OTOF: variants seen among roughly 807,000 people sequenced by gnomAD.
OTOF encodes otoferlin, also known as fer-1-like family member 2.
In OTOF, 218 loss-of-function variants were observed where a neutral mutation model predicts 236.8. That is an observed-to-expected ratio of 0.92 (90% CI 0.82 to 1.03). The LOEUF is 1.03. OTOF is among the 50% of genes least tolerant of loss of function. The pLI, the probability that OTOF is intolerant of heterozygous loss-of-function variation, is 0.00. For synonymous variants in OTOF, 1,041 were observed against 1,072.5 expected (o/e 0.97, Z 0.57); for missense variants, 2,590 against 2,694.4 (o/e 0.96, Z 0.86).
Position 26,480,949 on chromosome 2 carries a change from G to A in OTOF, c.1640C>T (p.Thr547Met), listed in dbSNP as rs200191563. 496 of 1,613,046 alleles carry A rather than the reference G, an allele frequency of 3.1e-4. 1 individual carries two copies. Among genetic ancestry groups the A allele is most frequent in the Admixed American group, 2.7e-3 (164 of 60,020 alleles). ...CAGGTCCTGATGCTCATCCAGCAGC[G>A]TGTAGTTACGTGTGGAGCCGTACAT... ...VNMYGSTRNYTLLDEHQDLNE... is the reference protein window; with the variant it reads ...VNMYGSTRNYMLLDEHQDLNE... Residue 547 changes from threonine (T) to methionine (M), a missense_variant, in exon 15 of 47, where the codon ACG becomes ATG. Transcript: ENST00000272371.
chr2:26,466,427 C>G (rs898611779), intron 36 of OTOF: 1 of 513,852 alleles, frequency 1.9e-6, no homozygotes, highest in South Asian at 2.0e-5. Context: ...AGCTCCACCT[C>G]CCAGGTTCAA....
At chr2:26,474,445 C>T in intron 26 of OTOF, 68 bp downstream of exon 26, 1 of 1,438,284 alleles carries the variant, frequency 7.0e-7, no homozygotes, top group Non-Finnish European at 9.5e-7. Context: ...GGGTCCAGCC[C>T]CCAGCCCTAG....
intron 30 of OTOF, among the ~76,000 whole-genome samples, chr2:26,471,981 AC>A (rs1664999740): frequency 6.6e-6 from 1 of 152,064 alleles, no homozygotes; most frequent in South Asian, 2.1e-4. Context: ...TTTACACACC[AC>A]ATGCACACAC....
At chr2:26,551,983 A>G (rs1667472381) in intron 1 of OTOF, among the ~76,000 whole-genome samples, 1 of 151,730 alleles carries the variant, frequency 6.6e-6, no homozygotes, top group African/African-American at 2.4e-5. Context: ...ATGAAGCAAG[A>G]TTGGCCATGA....
rs190214420 is a variant in OTOF at position 26,497,584 on chromosome 2, G to A, written c.766-2511C>T. On this transcript the variant is annotated intron_variant, in intron 8 of 46. Coordinates refer to ENST00000272371, the MANE Select transcript of OTOF (RefSeq NM_194248.3). ...ATCAAAGTCTGAAAAATAACCTGAG[G>A]GTGATTAAAAATCTACACATCAGAA... 6.7e-4 allele frequency among the ~76,000 whole-genome samples: 102 copies of A among 151,810 alleles called. 3 individuals are homozygous for A. Among genetic ancestry groups the A allele is most frequent in the Admixed American group, 6.2e-3 (94 of 15,254 alleles).
At chr2:26,529,210 C>T (rs982743708) in intron 2 of OTOF, among the ~76,000 whole-genome samples, 8 of 152,170 alleles carry the variant, frequency 5.3e-5, no homozygotes, top group African/African-American at 1.7e-4. Context: ...GACCAGACAA[C>T]GCTGAGGTCT....
At position 26,479,588 on chromosome 2, in the gene OTOF, C is replaced by G; in HGVS notation, c.1978G>C (p.Gly660Arg). ...PQRPRPRKEP[G>R]DEEEVDLIQN... ...ATCAGGTCTACTTCTTCCTCATCCC[C>G]CGGCTCCTTCCGGGGCCGAGGCCGC... The change falls in exon 17 of 47, where the codon GGG becomes CGG. Residue 660 changes from glycine (G) to arginine (R), a missense_variant. Physicochemically the swap from Gly to Arg is moderately radical, Grantham distance 125. Transcript: ENST00000272371. 1 of 1,612,678 alleles carries G rather than the reference C, an allele frequency of 6.2e-7. No homozygotes were observed. Among genetic ancestry groups the G allele is most frequent in the Non-Finnish European group, 8.5e-7 (1 of 1,179,876 alleles).
chr2:26,515,303 G>C (rs561442894), intron 5 of OTOF, among the ~76,000 whole-genome samples: 96 of 152,354 alleles, frequency 6.3e-4, no homozygotes, highest in African/African-American at 2.2e-3. Context: ...CCCCATGCCC[G>C]TGGCTGGCCT....
At chr2:26,522,324 C>G (rs1023948613) in intron 3 of OTOF, among the ~76,000 whole-genome samples, 1 of 146,530 alleles carries the variant, frequency 6.8e-6, no homozygotes, top group African/African-American at 2.7e-5. Flanking sequence ...CTGTAACATA[C>G]CATTTAAGCA....
At chr2:26,495,928 C>G (rs757256734) in intron 8 of OTOF, among the ~76,000 whole-genome samples, 1 of 152,332 alleles carries the variant, frequency 6.6e-6, no homozygotes, top group Admixed American at 6.5e-5. Context: ...GCCTCTGATA[C>G]GTCTTTGCAT....
chr2:26,514,996 G>A (rs538229537), intron 5 of OTOF, among the ~76,000 whole-genome samples: 4 of 152,194 alleles, frequency 2.6e-5, no homozygotes, highest in Non-Finnish European at 5.9e-5. Flanking sequence ...TTTCCAACCC[G>A]ATTCCTGACT....
At chr2:26,553,739 C>T (rs970244929) in intron 1 of OTOF, among the ~76,000 whole-genome samples, 7 of 152,266 alleles carry the variant, frequency 4.6e-5, no homozygotes, top group Middle Eastern at 3.4e-3. Context: ...TTCTGAGCTC[C>T]GGGGGCCAAC....
chr2:26,527,680 A>G, intron 3 of OTOF, 152 bp downstream of exon 3: 1 of 695,818 alleles, frequency 1.4e-6, no homozygotes, highest in Non-Finnish European at 2.6e-6. Flanking sequence ...ATCAAAGACC[A>G]GCCCAAGATT....
intron 1 of OTOF, among the ~76,000 whole-genome samples, chr2:26,558,003 G>A (rs1481383995): frequency 6.6e-6 from 1 of 151,970 alleles, no homozygotes; most frequent in Non-Finnish European, 1.5e-5. Context: ...CCCATGAATA[G>A]ATCTAAAAGA....
In OTOF at chr2:26,460,817, C is replaced by A. The variant is rs1274871477; in HGVS notation, c.5712+35G>T. ...CCCTTGGCACCCCAGCCAGTCCCAGCCCTGCCTACTGCCCGAGCAGGAAGG... is the reference window on the plus strand; with the variant it reads ...CCCTTGGCACCCCAGCCAGTCCCAGACCTGCCTACTGCCCGAGCAGGAAGG... On this transcript the variant is annotated intron_variant, in intron 44 of 46. Coordinates refer to ENST00000272371, the MANE Select transcript of OTOF (RefSeq NM_194248.3). The surrounding 1 kb of genome is among the most constrained non-coding windows in gnomAD (Gnocchi z 5.3). The A allele has an allele frequency of 1.2e-6, 2 of 1,613,932 alleles. No homozygotes were observed. The highest frequency in any genetic ancestry group is 1.7e-5 in the Admixed American group (1 of 60,018).
chr2:26,550,997 T>C (rs889872940), intron 1 of OTOF, among the ~76,000 whole-genome samples: 1 of 151,808 alleles, frequency 6.6e-6, no homozygotes, highest in African/African-American at 2.4e-5. Context: ...CATGGCTTTT[T>C]TCCCCCCCTT....
intron 4 of OTOF, 112 bp downstream of exon 4, chr2:26,518,898 C>G: frequency 1.3e-6 from 1 of 786,712 alleles, no homozygotes; most frequent in Admixed American, 2.0e-5. Flanking sequence ...CCTGCGACAC[C>G]TCGCCATGCA....
In OTOF at chr2:26,550,934, C is replaced by T. The variant is rs555053399; in HGVS notation, c.79+7559G>A. 1.1e-3 allele frequency among the ~76,000 whole-genome samples: 168 copies of T among 152,274 alleles called. No individual in the cohort carries two copies. In the South Asian group the frequency reaches 0.012, roughly 11 times the overall value. On this transcript the variant is annotated intron_variant, in intron 1 of 46. Coordinates refer to ENST00000272371, the MANE Select transcript of OTOF (RefSeq NM_194248.3). ...CCTCCACACTCCCCTGATGCATCTC[C>T]ACACCACCACGTCTGCACTAGTGTT...
At chr2:26,528,788 T>C (rs1187152872) in intron 2 of OTOF, among the ~76,000 whole-genome samples, 1 of 152,184 alleles carries the variant, frequency 6.6e-6, no homozygotes, top group Non-Finnish European at 1.5e-5. Context: ...GAAAGAAGAC[T>C]GGGCAAGGGA....
Sources: allele counts gnomAD v4.1 joint callset (sites outside exome capture counted in the v4.1 genomes callset), GRCh38; gene constraint gnomAD v4.1.1; non-coding constraint Gnocchi (gnomAD v3.1); transcripts MANE v1.5; gene names NCBI Gene and HGNC (gene_info 2026-07-23, HGNC 2026-07-21).